The following CAPRIN1 variants were observed in gnomAD, a reference collection of about 807,000 sequenced individuals.
CAPRIN1 encodes the protein cell cycle associated protein 1.
In CAPRIN1, 29 loss-of-function variants were observed where a neutral mutation model predicts 100.9. The ratio of observed to expected loss-of-function variants is 0.29; its 90% CI spans 0.21 to 0.39. The LOEUF (loss-of-function observed/expected upper bound fraction) is 0.39, where lower values mean the gene tolerates loss of function less well. Among genes scored for constraint, CAPRIN1 ranks in the 10% least tolerant of loss-of-function variants. CAPRIN1 has a pLI of 1.00. For synonymous variants in CAPRIN1, 338 were observed against 307.5 expected (o/e 1.10, Z -1.04); for missense variants, 795 against 876.7 (o/e 0.91, Z 1.18).
At chr11:34,052,361 C>T (rs1358247686) in intron 1 of CAPRIN1, 60 bp from the exon 2 acceptor site, 3 of 1,400,778 alleles carry the variant, frequency 2.1e-6, no homozygotes, top group East Asian at 4.7e-5. Flanking sequence ...CCGTCCGTCT[C>T]CTGACTGGCC....
chr11:34,101,609 AT>A lies in CAPRIN1; in HGVS notation c.*2247del. Among the ~76,000 whole-genome samples the A allele has an allele frequency of 6.6e-6, 1 of 152,162 alleles. No individual in the cohort carries two copies. The highest frequency in any genetic ancestry group is 2.1e-4 in the South Asian group (1 of 4,816). On this transcript the variant is annotated 3_prime_UTR_variant, in exon 19 of 19. Transcript: ENST00000341394. ...GAATTGTTCCTTTTTTTGAACTATA[AT>A]TTTTCTTTTTTTGGTTATTTTACCA...
rs930468917 is a variant in CAPRIN1, at chr11:34,099,577, C to G, written c.*210C>G. On this transcript the variant is annotated 3_prime_UTR_variant, in exon 19 of 19. Transcript: ENST00000341394. The stretch of plus-strand genomic sequence containing the variant: ...CTATTTTTACTCTGCATGTTCTGTC[C>G]TAAGCGTCATCTTGAGCCTTGCACA... 29 of 571,662 alleles carry G rather than the reference C, an allele frequency of 5.1e-5. No individual in the cohort carries two copies. Among genetic ancestry groups the G allele is most frequent in the Non-Finnish European group, 8.1e-5 (26 of 320,482 alleles). 35.4% of individuals were successfully genotyped at this position (571,662 alleles called of 1,614,324 possible).
intron 12 of CAPRIN1, 85 bp from the exon 13 acceptor site, chr11:34,090,093 GC>G (rs1851233074): frequency 1.5e-6 from 1 of 683,926 alleles, no homozygotes; most frequent in African/African-American, 1.8e-5. Context: ...CTATTTCTTA[GC>G]CTTATGCGTC....
intron 11 of CAPRIN1, among the ~76,000 whole-genome samples, chr11:34,086,699 T>A (rs974572114): frequency 2.0e-5 from 3 of 152,170 alleles, no homozygotes; most frequent in Non-Finnish European, 4.4e-5. Context: ...GATTAAGAAA[T>A]GAAACATTAC....
chr11:34,060,699 T>C (rs1297603990), intron 2 of CAPRIN1, among the ~76,000 whole-genome samples: 1 of 152,208 alleles, frequency 6.6e-6, no homozygotes, highest in East Asian at 1.9e-4. Flanking sequence ...AGATGATCCA[T>C]GGCAGCTATC....
At chr11:34,092,215 C>G (rs1395169968) in intron 15 of CAPRIN1, among the ~76,000 whole-genome samples, 159 bp downstream of exon 15, 2 of 152,168 alleles carry the variant, frequency 1.3e-5, no homozygotes, top group Non-Finnish European at 2.9e-5. Flanking sequence ...TAAATTGAGT[C>G]TGTACTTGTA....
rs7945085 is a variant in CAPRIN1 at position 34,094,160 on chromosome 11, T to A, written c.1705+2104T>A. 6.0e-3 allele frequency among the ~76,000 whole-genome samples: 905 copies of A among 152,014 alleles called. 13 individuals carry two copies. Among genetic ancestry groups the A allele is most frequent in the African/African-American group, 0.021 (862 of 41,446 alleles). The stretch of plus-strand genomic sequence containing the variant: ...TTGAGGCCAGGCGTTCATGATGAAA[T>A]AATATGTATACATTGTGGGCCGTTG... On this transcript the variant is annotated intron_variant, in intron 15 of 18. Coordinates refer to ENST00000341394, the MANE Select transcript of CAPRIN1 (RefSeq NM_005898.5).
intron 4 of CAPRIN1, among the ~76,000 whole-genome samples, chr11:34,073,387 C>G (rs1850840141): frequency 6.6e-6 from 1 of 152,126 alleles, no homozygotes; most frequent in Non-Finnish European, 1.5e-5. Flanking sequence ...GTAATAATAA[C>G]CTCATACGGT....
intron 15 of CAPRIN1, among the ~76,000 whole-genome samples, chr11:34,094,463 A>G (rs1302352218): frequency 1.3e-5 from 2 of 152,212 alleles, no homozygotes; most frequent in East Asian, 1.9e-4. Context: ...GCTTTTTAAA[A>G]TGGCCTACAA....
In CAPRIN1 at chr11:34,102,605, A is replaced by G. The variant is rs937168741; in HGVS notation, c.*3238A>G. On this transcript the variant is annotated 3_prime_UTR_variant, in exon 19 of 19. Coordinates refer to ENST00000341394, the MANE Select transcript of CAPRIN1 (RefSeq NM_005898.5). Reference sequence around the variant, plus strand: ...AAATTACACTAGATTAAATAATATGAAAGTCTGGTTTTCTCACTGTCCTTG... The same window carrying G: ...AAATTACACTAGATTAAATAATATGGAAGTCTGGTTTTCTCACTGTCCTTG... Among the ~76,000 whole-genome samples the G allele has an allele frequency of 1.3e-5, 2 of 152,242 alleles. No homozygotes were observed. The highest frequency in any genetic ancestry group is 2.9e-5 in the Non-Finnish European group (2 of 68,044).
At chr11:34,074,378 C>T (rs1850866456) in intron 4 of CAPRIN1, among the ~76,000 whole-genome samples, 1 of 152,190 alleles carries the variant, frequency 6.6e-6, no homozygotes, top group African/African-American at 2.4e-5. Context: ...ATCTTTGATC[C>T]TTTGGTATAC....
At chr11:34,052,929 G>T in intron 2 of CAPRIN1, 1 of 1,259,038 alleles carries the variant, frequency 7.9e-7, no homozygotes, top group Non-Finnish European at 1.0e-6. Flanking sequence ...AGTGGGACAT[G>T]TGAGGGTGGG....
At position 34,085,471 on chromosome 11, in the gene CAPRIN1, G is replaced by T. The variant is rs892352848; in HGVS notation, c.967-593G>T. ...TTTTAAGAAAAATACATTATTTTAGGATGTAAACACAGGTAATCTTTCTTT... is the reference window on the plus strand; with the variant it reads ...TTTTAAGAAAAATACATTATTTTAGTATGTAAACACAGGTAATCTTTCTTT... On this transcript the variant is annotated intron_variant, in intron 9 of 18. Coordinates refer to ENST00000341394, the MANE Select transcript of CAPRIN1 (RefSeq NM_005898.5). 3.3e-5 allele frequency among the ~76,000 whole-genome samples: 5 copies of T among 152,282 alleles called. No individual in the cohort carries two copies. In the South Asian group the frequency reaches 1.0e-3, roughly 32 times the overall value.
At chr11:34,071,862 T>C (rs557285513) in intron 3 of CAPRIN1, 39 bp from the exon 4 acceptor site, 2 of 1,595,684 alleles carry the variant, frequency 1.3e-6, no homozygotes, top group East Asian at 2.2e-5. Context: ...CTGTGGTTTT[T>C]TGTCTTTCCA....
At chr11:34,065,183 C>T (rs537761542) in intron 2 of CAPRIN1, among the ~76,000 whole-genome samples, 23 of 151,978 alleles carry the variant, frequency 1.5e-4, no homozygotes, top group Non-Finnish European at 4.4e-5. Flanking sequence ...AGGATGGTCT[C>T]GATCTCCCGA....
chr11:34,098,829 A>G (rs1313827000), intron 18 of CAPRIN1: 2 of 984,216 alleles, frequency 2.0e-6, no homozygotes, highest in East Asian at 1.1e-4. Flanking sequence ...AATGTTATGT[A>G]GTTTCTTTTT....
chr11:34,054,755 C>T (rs183086297), intron 2 of CAPRIN1, among the ~76,000 whole-genome samples: 60 of 152,270 alleles, frequency 3.9e-4, no homozygotes, highest in African/African-American at 1.4e-3. Flanking sequence ...GTAAGCAAGC[C>T]TGCTGATCTG....
intron 2 of CAPRIN1, among the ~76,000 whole-genome samples, chr11:34,057,664 A>G (rs570910922): frequency 1.9e-4 from 29 of 152,240 alleles, no homozygotes; most frequent in African/African-American, 6.3e-4. Flanking sequence ...ACTTATAGCA[A>G]TTTTGTCATA....
intron 2 of CAPRIN1, chr11:34,052,970 C>CCG: frequency 9.1e-7 from 1 of 1,095,966 alleles, no homozygotes; most frequent in African/African-American, 1.7e-5. Context: ...CTGTATGGTG[C>CCG]CCTTCTTTCC....
Sources: allele counts gnomAD v4.1 joint callset (sites outside exome capture counted in the v4.1 genomes callset), GRCh38; gene constraint gnomAD v4.1.1; transcripts MANE v1.5; gene names NCBI Gene and HGNC (gene_info 2026-07-23, HGNC 2026-07-21).